The following AJAP1 variants were observed in gnomAD, a reference collection of about 807,000 sequenced individuals.
The protein encoded by AJAP1 is adherens junctions associated protein 1, also known as adherens junction-associated protein 1.
AJAP1 carries 5 observed loss-of-function variants against 35.0 expected under a neutral mutation model. The ratio of observed to expected loss-of-function variants is 0.14; its 90% CI spans 0.07 to 0.30. AJAP1 has a LOEUF of 0.30. Ranked by LOEUF, AJAP1 falls within the 10% of genes least tolerant of loss-of-function variation. The pLI is 1.00. For missense variants in AJAP1, 586 were observed against 571.0 expected (o/e 1.03, Z -0.27); for synonymous variants, 284 against 249.3 (o/e 1.14, Z -1.31).
chr1:4,692,507 C>A lies in AJAP1; in HGVS notation c.30-19393C>A, dbSNP rs1570118306. Among the ~76,000 whole-genome samples, 1 of 152,236 alleles carries A rather than the reference C, an allele frequency of 6.6e-6. No individual in the cohort carries two copies. The highest frequency in any genetic ancestry group is 2.4e-5 in the African/African-American group (1 of 41,458). On this transcript the variant is annotated intron_variant, in intron 1 of 5. Coordinates refer to ENST00000378191, the MANE Select transcript of AJAP1 (RefSeq NM_018836.4). This position sits in a 1 kb window ranked among gnomAD's most constrained non-coding sequence, Gnocchi z 4.4. The stretch of plus-strand genomic sequence containing the variant: ...CTGCCCCCAAATTCCCCACCCCAGG[C>A]ATCCGGGAGGAACTTCCTGGGAAAA...
intron 1 of AJAP1, among the ~76,000 whole-genome samples, chr1:4,703,283 G>T (rs895645315): frequency 6.6e-6 from 1 of 152,108 alleles, no homozygotes; most frequent in African/African-American, 2.4e-5. Context: ...CCCTTCCTGC[G>T]CCAGGGCTGG....
intron 2 of AJAP1, among the ~76,000 whole-genome samples, chr1:4,717,102 G>T (rs1314053444): frequency 6.6e-6 from 1 of 152,208 alleles, no homozygotes; most frequent in Non-Finnish European, 1.5e-5. Flanking sequence ...TGCTGGTCAG[G>T]TTTCGAATCT....
intron 2 of AJAP1, among the ~76,000 whole-genome samples, chr1:4,742,238 C>T (rs78344694): frequency 0.031 from 4,730 of 152,240 alleles, 105 homozygotes; most frequent in Middle Eastern, 0.054. Context: ...CCAAGTCACC[C>T]CCTCTCCAGT....
intron 1 of AJAP1, among the ~76,000 whole-genome samples, chr1:4,689,950 G>A (rs1037004946): frequency 2.6e-5 from 4 of 152,090 alleles, no homozygotes; most frequent in African/African-American, 9.7e-5. Flanking sequence ...CCTCAGCCAG[G>A]CTCCCTGGCC....
intron 2 of AJAP1, among the ~76,000 whole-genome samples, chr1:4,729,268 C>T (rs1640745058): frequency 6.6e-6 from 1 of 152,096 alleles, no homozygotes; most frequent in Non-Finnish European, 1.5e-5. Flanking sequence ...GTGAGGGGAG[C>T]ACAGGGCAGG....
chr1:4,657,715 G>A (rs1638911996), intron 1 of AJAP1, among the ~76,000 whole-genome samples: 1 of 149,246 alleles, frequency 6.7e-6, no homozygotes, highest in Non-Finnish European at 1.5e-5. Flanking sequence ...CTGGGCAGGG[G>A]GTGGGGGTGG....
chr1:4,705,773 G>A (rs1640088402), intron 1 of AJAP1, among the ~76,000 whole-genome samples: 1 of 152,100 alleles, frequency 6.6e-6, no homozygotes, highest in East Asian at 1.9e-4. Context: ...CACAGAGAAA[G>A]CCTGAGAAAC....
chr1:4,727,931 T>C (rs1035874141), intron 2 of AJAP1, among the ~76,000 whole-genome samples: 4 of 152,072 alleles, frequency 2.6e-5, no homozygotes, highest in Admixed American at 2.0e-4. Context: ...AGCTTGCAGG[T>C]GATTGCAGAT....
chr1:4,762,342 G>A (rs896873853), intron 2 of AJAP1, among the ~76,000 whole-genome samples: 2 of 152,182 alleles, frequency 1.3e-5, no homozygotes, highest in East Asian at 1.9e-4. Flanking sequence ...TGGGGGCCTT[G>A]GGCCTGGCCA....
chr1:4,720,626 A>G lies in AJAP1; in HGVS notation c.829+7927A>G, dbSNP rs1236778461. 6.6e-6 allele frequency among the ~76,000 whole-genome samples: 1 copy of G among 152,224 alleles called. No homozygotes were observed. Among genetic ancestry groups the G allele is most frequent in the Non-Finnish European group, 1.5e-5 (1 of 68,032 alleles). On this transcript the variant is annotated intron_variant, in intron 2 of 5. Transcript: ENST00000378191. The surrounding 1 kb of genome is among the most constrained non-coding windows in gnomAD (Gnocchi z 4.4). ...TTCTGAGACTGGACCATGCCAGCAC[A>G]TGTGGGAAACTGAGCGCCATAGTGA...
intron 1 of AJAP1, among the ~76,000 whole-genome samples, chr1:4,662,803 G>A (rs1011147786): frequency 6.6e-6 from 1 of 152,226 alleles, no homozygotes; most frequent in Non-Finnish European, 1.5e-5. Flanking sequence ...ATTGAGTGTC[G>A]AGTGCATTCT....
chr1:4,768,325 G>A (rs1241739977), intron 2 of AJAP1, among the ~76,000 whole-genome samples: 2 of 137,538 alleles, frequency 1.5e-5, no homozygotes, highest in Non-Finnish European at 3.2e-5. Context: ...CTGTTTGCCG[G>A]ATGCTGTTAT....
intron 1 of AJAP1, among the ~76,000 whole-genome samples, chr1:4,682,491 G>A (rs1438256356): frequency 2.0e-5 from 3 of 152,178 alleles, no homozygotes; most frequent in African/African-American, 7.2e-5. Context: ...CCAGCCCTGA[G>A]TTTTCATGTC....
intron 1 of AJAP1, among the ~76,000 whole-genome samples, chr1:4,666,469 G>GCGAAGTGA (rs1268358714): frequency 6.6e-6 from 1 of 152,166 alleles, no homozygotes; most frequent in Non-Finnish European, 1.5e-5. Flanking sequence ...GACAGACCCT[G>GCGAAGTGA]GGGAGTGAGG....
At chr1:4,679,921 C>T (rs1253628109) in intron 1 of AJAP1, among the ~76,000 whole-genome samples, 2 of 151,892 alleles carry the variant, frequency 1.3e-5, no homozygotes, top group Admixed American at 1.3e-4. Flanking sequence ...GATCTGCAGC[C>T]AGCCAGCTGG....
At chr1:4,728,780 C>CT (rs1640730929) in intron 2 of AJAP1, among the ~76,000 whole-genome samples, 1 of 152,208 alleles carries the variant, frequency 6.6e-6, no homozygotes, top group Non-Finnish European at 1.5e-5. Flanking sequence ...ACTGCACTGG[C>CT]TTTTTTGGGT....
chr1:4,746,883 C>T (rs188163530), intron 2 of AJAP1, among the ~76,000 whole-genome samples: 1 of 152,302 alleles, frequency 6.6e-6, no homozygotes, highest in Non-Finnish European at 1.5e-5. Flanking sequence ...ACGACACCTC[C>T]TAGGTGTTCA....
In AJAP1 at chr1:4,731,241, C is replaced by T. The variant is rs555312686; in HGVS notation, c.829+18542C>T. 3.3e-5 allele frequency among the ~76,000 whole-genome samples: 5 copies of T among 152,092 alleles called. No homozygotes were observed. In the South Asian group the frequency reaches 8.3e-4, roughly 25 times the overall value. On this transcript the variant is annotated intron_variant, in intron 2 of 5. Coordinates refer to ENST00000378191, the MANE Select transcript of AJAP1 (RefSeq NM_018836.4). ...GATTACAGGCATGCACCACCATGCC[C>T]GGCTAATTTTTGTATTTTTAGTAGA...
chr1:4,688,834 G>A (rs1294654578), intron 1 of AJAP1, among the ~76,000 whole-genome samples: 1 of 150,898 alleles, frequency 6.6e-6, no homozygotes, highest in Non-Finnish European at 1.5e-5. Flanking sequence ...TTGCCATGGC[G>A]ATGACCCCAT....
Sources: gnomAD v4.1 joint callset for allele counts (sites outside exome capture counted in the v4.1 genomes callset) on GRCh38, gnomAD v4.1.1 for gene constraint, Gnocchi (gnomAD v3.1) non-coding constraint, MANE v1.5 for transcripts, NCBI Gene and HGNC (gene_info 2026-07-23, HGNC 2026-07-21) for gene names.